FRY: variants seen among roughly 807,000 people sequenced by gnomAD.
FRY encodes the protein FRY microtubule binding protein.
FRY carries 128 observed loss-of-function variants against 348.4 expected under a neutral mutation model. That is an observed-to-expected ratio of 0.37 (90% CI 0.32 to 0.43). The LOEUF (loss-of-function observed/expected upper bound fraction) is 0.43, where lower values mean the gene tolerates loss of function less well. Among genes scored for constraint, FRY ranks in the 20% least tolerant of loss-of-function variants. The probability of loss-of-function intolerance (pLI) is 1.00; values close to 1 mark genes in which losing one functional copy is unlikely to be tolerated. For missense variants in FRY, 2,736 were observed against 3,695.2 expected (o/e 0.74, Z 6.73); for synonymous variants, 1,370 against 1,374.7 (o/e 1.00, Z 0.08).
rs1883989171 is a variant in FRY, at chr13:32,201,004, G to T, written c.3747-937G>T. Among the ~76,000 whole-genome samples, 2 of 152,136 alleles carry T rather than the reference G, an allele frequency of 1.3e-5. 1 individual carries two copies. The highest frequency in any genetic ancestry group is 1.3e-4 in the Admixed American group (2 of 15,270). ...CCAGAGTGATTCTTCAAAAGTGAAT[G>T]CCGTGGCCCCCCTCCCCAGGGCAAA... On this transcript the variant is annotated intron_variant, in intron 29 of 60. Transcript: ENST00000542859.
intron 8 of FRY, among the ~76,000 whole-genome samples, chr13:32,132,156 C>T (rs1879408618): frequency 6.6e-6 from 1 of 151,786 alleles, no homozygotes; most frequent in South Asian, 2.1e-4. Context: ...AAATTGATAG[C>T]ATTGGGTTGG....
intron 1 of FRY, among the ~76,000 whole-genome samples, chr13:32,034,244 A>G (rs1476678062): frequency 6.6e-6 from 1 of 152,266 alleles, no homozygotes; most frequent in Non-Finnish European, 1.5e-5. Flanking sequence ...AGGTAATTCC[A>G]TAAGCGTTTC....
chr13:32,078,392 CTTTCCA>C (rs575414516), intron 1 of FRY, among the ~76,000 whole-genome samples: 58 of 152,258 alleles, frequency 3.8e-4, no homozygotes, highest in Non-Finnish European at 7.1e-4. Context: ...CCCCAGAGTC[CTTTCCA>C]TTATTAGAAT....
intron 1 of FRY, among the ~76,000 whole-genome samples, chr13:32,040,314 T>A (rs1365061629): frequency 1.3e-5 from 2 of 152,248 alleles, no homozygotes; most frequent in Non-Finnish European, 2.9e-5. Context: ...CTGTTATTTT[T>A]CTGTGTGTGA....
chr13:32,080,534 T>G (rs1338094633), intron 2 of FRY, among the ~76,000 whole-genome samples: 1 of 152,236 alleles, frequency 6.6e-6, no homozygotes, highest in African/African-American at 2.4e-5. Context: ...TGTCAGTCTT[T>G]GCACGGTCCT....
chr13:32,276,962 C>A (rs1484427285), intron 57 of FRY, among the ~76,000 whole-genome samples: 1 of 152,210 alleles, frequency 6.6e-6, no homozygotes, highest in East Asian at 1.9e-4. Flanking sequence ...GAGGCTGCGT[C>A]TGCCAGTCCC....
intron 2 of FRY, among the ~76,000 whole-genome samples, chr13:32,084,288 C>G (rs1466344901): frequency 1.3e-5 from 2 of 152,178 alleles, no homozygotes; most frequent in East Asian, 1.9e-4. Flanking sequence ...TGAATCTTCT[C>G]TAAATACAAC....
intron 58 of FRY, among the ~76,000 whole-genome samples, chr13:32,280,321 A>G (rs1048768865): frequency 2.6e-5 from 4 of 152,232 alleles, no homozygotes; most frequent in Admixed American, 1.3e-4. Flanking sequence ...AAAAATCACA[A>G]TAAACTCCAG....
intron 60 of FRY, 27 bp from the exon 61 acceptor site, chr13:32,295,175 A>C (rs774976226): frequency 6.2e-7 from 1 of 1,611,764 alleles, no homozygotes; most frequent in Non-Finnish European, 8.5e-7. Context: ...TAGTGCCTCT[A>C]ATCTGTGCTG....
At chr13:32,056,673 A>T (rs1409274661) in intron 1 of FRY, among the ~76,000 whole-genome samples, 1 of 152,218 alleles carries the variant, frequency 6.6e-6, no homozygotes, top group African/African-American at 2.4e-5. Flanking sequence ...ATACAAGTGA[A>T]TGAATATATT....
At chr13:32,039,538 C>T (rs2138356432) in intron 1 of FRY, among the ~76,000 whole-genome samples, 2 of 152,066 alleles carry the variant, frequency 1.3e-5, no homozygotes, top group East Asian at 3.9e-4. Context: ...TATATATTTC[C>T]GTAAGTTAAA....
intron 36 of FRY, among the ~76,000 whole-genome samples, chr13:32,219,737 C>A (rs546462467): frequency 6.6e-6 from 1 of 152,072 alleles, no homozygotes; most frequent in African/African-American, 2.4e-5. Context: ...GTAGCCTGGG[C>A]GAAAACAAAT....
In FRY at chr13:32,296,613, TA is replaced by T. The variant is rs34492846; in HGVS notation, c.*1168del. On this transcript the variant is annotated 3_prime_UTR_variant, in exon 61 of 61. Coordinates refer to ENST00000542859, the MANE Select transcript of FRY (RefSeq NM_023037.3). ...ATTCTGTTCAGAACTTTCTTTAGACTAAAAAAAAAAAAAAAGACAAAATACA... is the reference window on the plus strand; with the variant it reads ...ATTCTGTTCAGAACTTTCTTTAGACTAAAAAAAAAAAAAAGACAAAATACA... 189 of 144,116 alleles carry T rather than the reference TA, an allele frequency of 1.3e-3. No individual in the cohort carries two copies. Among genetic ancestry groups the T allele is most frequent in the Admixed American group, 1.8e-3 (26 of 14,482 alleles). 8.9% of individuals were successfully genotyped at this position (144,116 alleles called of 1,614,324 possible).
chr13:32,097,043 G>T (rs142869820), intron 2 of FRY, among the ~76,000 whole-genome samples: 1 of 152,194 alleles, frequency 6.6e-6, no homozygotes, highest in African/African-American at 2.4e-5. Context: ...AAAATACCAT[G>T]TTTATCAGCT....
chr13:32,161,158 C>T lies in FRY; in HGVS notation c.1799C>T (p.Pro600Leu). ...PEDMITGERKPKIDLFRTCVA... is the reference protein window; with the variant it reads ...PEDMITGERKLKIDLFRTCVA... ...TCTAATTCTAGGGGTGAGAGAAAGC[C>T]AAAAATAGATCTTTTCAGGACCTGT... The change falls in exon 17 of 61, where the codon CCA (proline) becomes CTA (leucine). Residue 600 changes from proline (P) to leucine (L), a missense_variant. Physicochemically the swap from Pro to Leu is moderately conservative, Grantham distance 98. Transcript: ENST00000542859. 6.2e-7 allele frequency: 1 copy of T among 1,611,060 alleles called. No individual in the cohort carries two copies. Among genetic ancestry groups the T allele is most frequent in the Non-Finnish European group, 8.5e-7 (1 of 1,177,418 alleles).
At chr13:32,151,547 T>G (rs117826006) in intron 14 of FRY, among the ~76,000 whole-genome samples, 3,857 of 152,314 alleles carry the variant, frequency 0.025, 68 homozygotes, top group Non-Finnish European at 0.033. Flanking sequence ...TCTTAAATAA[T>G]ATTTTGGAAG....
chr13:32,268,539 T>A (rs1169962934), intron 55 of FRY, among the ~76,000 whole-genome samples: 2 of 133,588 alleles, frequency 1.5e-5, no homozygotes, highest in Admixed American at 1.5e-4. Flanking sequence ...TATATATATA[T>A]CTAGATTAGT....
intron 3 of FRY, among the ~76,000 whole-genome samples, chr13:32,104,798 T>C (rs1472711752): frequency 2.0e-5 from 3 of 152,180 alleles, no homozygotes; most frequent in Non-Finnish European, 4.4e-5. Flanking sequence ...TGATAGTGAA[T>C]AAATCTCATG....
intron 29 of FRY, among the ~76,000 whole-genome samples, chr13:32,195,141 G>A (rs1883597815): frequency 1.3e-5 from 2 of 152,106 alleles, no homozygotes; most frequent in South Asian, 2.1e-4. Context: ...AAATGAACAT[G>A]CTATTTAGAG....
Sources: allele counts gnomAD v4.1 joint callset (sites outside exome capture counted in the v4.1 genomes callset), GRCh38; gene constraint gnomAD v4.1.1; transcripts MANE v1.5; gene names NCBI Gene and HGNC (gene_info 2026-07-23, HGNC 2026-07-21).